LINGO2: variants seen among roughly 807,000 people sequenced by gnomAD.
LINGO2 encodes the protein leucine-rich repeat and immunoglobulin-like domain-containing nogo receptor-interacting protein 2.
A neutral mutation model predicts 30.6 loss-of-function variants in LINGO2; 14 were observed. That is an observed-to-expected ratio of 0.46 (90% CI 0.30 to 0.72). LINGO2 has a LOEUF of 0.72. Among genes scored for constraint, LINGO2 ranks in the 30% least tolerant of loss-of-function variants. The pLI, the probability that LINGO2 is intolerant of heterozygous loss-of-function variation, is 0.07. For synonymous variants in LINGO2, 317 were observed against 288.5 expected, an observed-to-expected ratio of 1.10 and a Z score of -1.00; for missense variants, 729 against 751.7, an observed-to-expected ratio of 0.97 and a Z score of 0.35.
intron 1 of LINGO2, among the ~76,000 whole-genome samples, chr9:28,615,497 C>T (rs1036616018): frequency 2.6e-5 from 4 of 151,984 alleles, no homozygotes; most frequent in Admixed American, 6.6e-5. Context: ...AAAGTAGACA[C>T]ACAATAAATA....
At chr9:28,100,034 A>C (rs551578024) in intron 4 of LINGO2, among the ~76,000 whole-genome samples, 3 of 152,188 alleles carry the variant, frequency 2.0e-5, no homozygotes, top group Non-Finnish European at 4.4e-5. Context: ...CTCTTAGCAC[A>C]TAACAAGATC....
chr9:29,175,875 C>T, the LINGO2 span, among the ~76,000 whole-genome samples: 3 of 152,078 alleles, frequency 2.0e-5, no homozygotes, highest in African/African-American at 7.2e-5. Context: ...ATTCTTTTAT[C>T]ACAGCATGCC....
At chr9:28,442,303 G>A (rs1217007655) in intron 2 of LINGO2, among the ~76,000 whole-genome samples, 1 of 151,334 alleles carries the variant, frequency 6.6e-6, no homozygotes, top group Admixed American at 6.6e-5. Flanking sequence ...CTACCACCAA[G>A]ACATAACCAC....
chr9:28,796,430 T>C, the LINGO2 span, among the ~76,000 whole-genome samples: 1,327 of 152,256 alleles, frequency 8.7e-3, 26 homozygotes, highest in African/African-American at 0.03. Context: ...CAGAATTTGA[T>C]ATTTATATTA....
At chr9:27,949,161 G>C (rs1823495016) in exon 6 of LINGO2, 9 of 1,614,062 alleles carry the variant, frequency 5.6e-6, no homozygotes, top group Non-Finnish European at 7.6e-6. Context: ...ACGATCTGAA[G>C]CGAATCCTTT....
At chr9:28,762,276 G>A in the LINGO2 span, among the ~76,000 whole-genome samples, 3 of 151,992 alleles carry the variant, frequency 2.0e-5, no homozygotes, top group East Asian at 1.9e-4. Flanking sequence ...TCATGGAGAC[G>A]TATTTATAAA....
chr9:28,372,085 GGATA>G (rs890877186), intron 3 of LINGO2, among the ~76,000 whole-genome samples: 1 of 152,036 alleles, frequency 6.6e-6, no homozygotes, highest in Non-Finnish European at 1.5e-5. Flanking sequence ...ATGGAATGAT[GGATA>G]GATGGATGGA....
chr9:27,982,467 A>G (rs993753994), intron 5 of LINGO2, among the ~76,000 whole-genome samples: 19 of 151,966 alleles, frequency 1.3e-4, no homozygotes, highest in African/African-American at 4.6e-4. Flanking sequence ...ACAGCAACTA[A>G]TATTTATTAA....
At chr9:28,587,040 A>G (rs984769055) in intron 1 of LINGO2, among the ~76,000 whole-genome samples, 14 of 151,990 alleles carry the variant, frequency 9.2e-5, no homozygotes, top group Non-Finnish European at 1.8e-4. Flanking sequence ...GTAAGGCTTC[A>G]TACAGCTAGA....
At chr9:29,149,672 G>T in the LINGO2 span, among the ~76,000 whole-genome samples, 2 of 152,214 alleles carry the variant, frequency 1.3e-5, no homozygotes, top group Admixed American at 6.5e-5. Context: ...AGCTACAGGA[G>T]ATCCCACAAC....
chr9:28,635,897 A>G (rs1275429821), intron 1 of LINGO2, among the ~76,000 whole-genome samples: 1 of 152,124 alleles, frequency 6.6e-6, no homozygotes, highest in East Asian at 1.9e-4. Context: ...ATATGTATAC[A>G]TGTGCCATGT....
At chr9:28,492,194 C>T (rs1326205344) in intron 1 of LINGO2, among the ~76,000 whole-genome samples, 2 of 152,140 alleles carry the variant, frequency 1.3e-5, no homozygotes, top group Non-Finnish European at 2.9e-5. Context: ...AAATTCCATT[C>T]GGTGTTGTGT....
chr9:29,107,184 C>G, the LINGO2 span, among the ~76,000 whole-genome samples: 1 of 152,048 alleles, frequency 6.6e-6, no homozygotes, highest in Admixed American at 6.6e-5. Flanking sequence ...ATAATAAATC[C>G]TGCTCTGGCA....
At chr9:27,977,362 C>T (rs898047204) in intron 5 of LINGO2, among the ~76,000 whole-genome samples, 1 of 151,742 alleles carries the variant, frequency 6.6e-6, no homozygotes, top group Admixed American at 6.6e-5. Flanking sequence ...TAATTAATTA[C>T]TTCAGGTGAT....
the LINGO2 span, among the ~76,000 whole-genome samples, chr9:28,718,607 A>G: frequency 6.6e-6 from 1 of 151,864 alleles, no homozygotes; most frequent in East Asian, 1.9e-4. Context: ...CTCATCCAGT[A>G]TTTTCCACTA....
the LINGO2 span, among the ~76,000 whole-genome samples, chr9:29,155,096 A>AT: frequency 2.0e-5 from 3 of 152,250 alleles, no homozygotes; most frequent in East Asian, 1.9e-4. Flanking sequence ...TGCATACAAT[A>AT]TTTTTTTCTT....
chr9:28,823,086 A>C, the LINGO2 span, among the ~76,000 whole-genome samples: 1 of 152,172 alleles, frequency 6.6e-6, no homozygotes, highest in Non-Finnish European at 1.5e-5. Flanking sequence ...TGAGAGAGGT[A>C]AATTTCTCAG....
chr9:28,506,470 A>C (rs1455443117), intron 1 of LINGO2, among the ~76,000 whole-genome samples: 1 of 51,874 alleles, frequency 1.9e-5, no homozygotes. Flanking sequence ...ACATACACAC[A>C]CACACACACA....
At chr9:27,947,371 T>TG (rs1244435691), downstream of LINGO2, among the ~76,000 whole-genome samples, 2 of 152,144 alleles carry the variant, frequency 1.3e-5, no homozygotes, top group Non-Finnish European at 2.9e-5. Flanking sequence ...TAAGTATCCT[T>TG]GGGTCAGAGA....
Sources: allele counts gnomAD v4.1 joint callset (sites outside exome capture counted in the v4.1 genomes callset), GRCh38; gene constraint gnomAD v4.1.1; transcripts MANE v1.5; gene names NCBI Gene and HGNC (gene_info 2026-07-23, HGNC 2026-07-21).